Variants in NAV2 observed in about 807,000 individuals in gnomAD.
The protein encoded by NAV2 is neuron navigator 2, also known as helicase, APC down-regulated 1.
In NAV2, 54 loss-of-function variants were observed where a neutral mutation model predicts 223.2. That is an observed-to-expected ratio of 0.24 (90% CI 0.19 to 0.30). The LOEUF is 0.30. Among genes scored for constraint, NAV2 ranks in the 10% least tolerant of loss-of-function variants. The probability of loss-of-function intolerance (pLI) is 1.00; values close to 1 mark genes in which losing one functional copy is unlikely to be tolerated. For missense variants in NAV2, 2,806 were observed against 3,147.5 expected (o/e 0.89, Z 2.60); for synonymous variants, 1,279 against 1,239.3 (o/e 1.03, Z -0.67).
chr11:19,470,544 A>G (rs1201806504), intron 1 of NAV2, among the ~76,000 whole-genome samples: 2 of 152,206 alleles, frequency 1.3e-5, no homozygotes, highest in Non-Finnish European at 2.9e-5. Flanking sequence ...CTTTTATAAC[A>G]AATCTGTTCT....
At chr11:19,802,253 C>T (rs1041481805) in intron 1 of NAV2, among the ~76,000 whole-genome samples, 1 of 152,066 alleles carries the variant, frequency 6.6e-6, no homozygotes, top group African/African-American at 2.4e-5. Flanking sequence ...TTTAGGGAAA[C>T]TTGGCATGGA....
At chr11:19,883,328 T>C (rs1014247695) in intron 5 of NAV2, among the ~76,000 whole-genome samples, 2 of 152,190 alleles carry the variant, frequency 1.3e-5, no homozygotes, top group African/African-American at 4.8e-5. Flanking sequence ...CCATGACAGC[T>C]TCATAGAGGC....
At chr11:19,417,808 A>T (rs555236712) in intron 1 of NAV2, among the ~76,000 whole-genome samples, 2 of 152,220 alleles carry the variant, frequency 1.3e-5, no homozygotes, top group African/African-American at 4.8e-5. Flanking sequence ...GGATGAGTTC[A>T]TGTCCTTTTC....
chr11:19,876,942 A>G (rs972126464), intron 4 of NAV2, among the ~76,000 whole-genome samples: 6 of 143,476 alleles, frequency 4.2e-5, no homozygotes, highest in African/African-American at 9.9e-5. Context: ...ATATATATTT[A>G]TATATTTATT....
intron 1 of NAV2, among the ~76,000 whole-genome samples, chr11:19,717,853 C>T (rs919224301): frequency 5.3e-5 from 8 of 152,168 alleles, no homozygotes; most frequent in Admixed American, 4.6e-4. Flanking sequence ...ATTCTGACAC[C>T]TTGTTTTATT....
At chr11:19,794,222 C>T (rs2057740585) in intron 1 of NAV2, among the ~76,000 whole-genome samples, 1 of 152,176 alleles carries the variant, frequency 6.6e-6, no homozygotes, top group Non-Finnish European at 1.5e-5. Context: ...AAAGGAACGC[C>T]TGTGCTCGGC....
At chr11:20,014,417 C>A (rs1376057018) in intron 11 of NAV2, among the ~76,000 whole-genome samples, 5 of 152,186 alleles carry the variant, frequency 3.3e-5, no homozygotes, top group Non-Finnish European at 5.9e-5. Flanking sequence ...TATAGATCCT[C>A]AAAGCCCATC....
chr11:19,352,789 T>A (rs1366030603), intron 1 of NAV2, among the ~76,000 whole-genome samples: 1 of 152,200 alleles, frequency 6.6e-6, no homozygotes, highest in Non-Finnish European at 1.5e-5. Context: ...AAGAATTAGA[T>A]TGTTTTTCCT....
intron 3 of NAV2, among the ~76,000 whole-genome samples, chr11:19,849,379 T>A (rs993380266): frequency 6.6e-6 from 1 of 152,182 alleles, no homozygotes; most frequent in East Asian, 1.9e-4. Context: ...AGGGAGGAGA[T>A]GGAACATTTC....
rs140257287 is a variant in NAV2 at position 19,736,814 on chromosome 11, A to G, written c.267+22852A>G. On this transcript the variant is annotated intron_variant, in intron 1 of 37. Coordinates refer to ENST00000349880, the MANE Select transcript of NAV2 (RefSeq NM_145117.5). ...CTCATTTTAATCAGATTTCATCAAT[A>G]TAAACATTAGTGGTGGGGTCTTCCT... 2.9e-3 allele frequency among the ~76,000 whole-genome samples: 447 copies of G among 152,334 alleles called. 4 individuals carry two copies. Among genetic ancestry groups the G allele is most frequent in the African/African-American group, 0.01 (416 of 41,570 alleles).
chr11:19,607,442 T>G (rs773795855), intron 1 of NAV2, among the ~76,000 whole-genome samples: 3 of 152,214 alleles, frequency 2.0e-5, no homozygotes, highest in Non-Finnish European at 4.4e-5. Flanking sequence ...CCTTTCTAAG[T>G]GGAGCTAGGA....
chr11:19,898,125 G>A (rs1030643590), intron 6 of NAV2, among the ~76,000 whole-genome samples: 22 of 151,878 alleles, frequency 1.4e-4, no homozygotes, highest in African/African-American at 5.1e-4. Context: ...TCCATATTAT[G>A]AATTTGAAAC....
intron 1 of NAV2, among the ~76,000 whole-genome samples, chr11:19,662,063 G>A (rs1296014257): frequency 6.6e-6 from 1 of 152,052 alleles, no homozygotes; most frequent in African/African-American, 2.4e-5. Flanking sequence ...GGGAAGTGGG[G>A]GTACAGCAGC....
chr11:19,599,703 G>C (rs1057225425), intron 1 of NAV2, among the ~76,000 whole-genome samples: 1 of 152,190 alleles, frequency 6.6e-6, no homozygotes. Flanking sequence ...GAGGCATCAG[G>C]GCTCTTGCCA....
exon 1 of NAV2, chr11:19,351,026 G>A (rs1342458950): frequency 1.3e-6 from 2 of 1,551,140 alleles, no homozygotes; most frequent in African/African-American, 2.7e-5. Flanking sequence ...GATCAAAAGA[G>A]GGTAAGTGGC....
At chr11:19,771,826 G>A (rs182123039) in intron 1 of NAV2, among the ~76,000 whole-genome samples, 49 of 152,212 alleles carry the variant, frequency 3.2e-4, no homozygotes, top group Non-Finnish European at 4.3e-4. Flanking sequence ...TCATTCATTC[G>A]TAGGCTTGTC....
intron 1 of NAV2, among the ~76,000 whole-genome samples, chr11:19,446,713 G>GC (rs1851597776): frequency 1.3e-5 from 2 of 152,172 alleles, no homozygotes; most frequent in Non-Finnish European, 1.5e-5. Flanking sequence ...CTGAACCGCT[G>GC]AACTGCTTGG....
At chr11:19,885,369 G>T (rs76372084) in intron 5 of NAV2, among the ~76,000 whole-genome samples, 1 of 152,160 alleles carries the variant, frequency 6.6e-6, no homozygotes, top group East Asian at 1.9e-4. Flanking sequence ...TGGTATCTCT[G>T]TGGTTGTTGA....
chr11:19,589,795 A>G (rs2046005280), intron 1 of NAV2, among the ~76,000 whole-genome samples: 1 of 152,174 alleles, frequency 6.6e-6, no homozygotes. Flanking sequence ...TTGGTAACCA[A>G]GGGATGGTCT....
Sources: allele counts gnomAD v4.1 joint callset (sites outside exome capture counted in the v4.1 genomes callset), GRCh38; gene constraint gnomAD v4.1.1; transcripts MANE v1.5; gene names NCBI Gene and HGNC (gene_info 2026-07-23, HGNC 2026-07-21).